Variants in STEEP1 observed in about 807,000 individuals in gnomAD.
STEEP1 encodes the protein STING1 ER exit protein 1, also known as STING ER exit protein.
STEEP1 carries 3 observed loss-of-function variants against 19.2 expected under a neutral mutation model. The observed-to-expected ratio is 0.16, with a 90% CI of 0.07 to 0.40. STEEP1 has a LOEUF of 0.40. Among genes scored for constraint, STEEP1 ranks in the 10% least tolerant of loss-of-function variants. The pLI, the probability that STEEP1 is intolerant of heterozygous loss-of-function variation, is 0.99. For missense variants in STEEP1, 54 were observed against 177.1 expected, an observed-to-expected ratio of 0.30 and a Z score of 3.94; for synonymous variants, 46 against 63.7, an observed-to-expected ratio of 0.72 and a Z score of 1.32.
intron 3 of STEEP1, 112 bp from the exon 4 acceptor site, chrX:119,544,603 T>C: frequency 1.4e-6 from 1 of 725,605 alleles, no homozygotes; most frequent in Admixed American, 2.9e-5. Context: ...CATAAACTAA[T>C]GACTGGCTCT....
chrX:119,549,666 A>G (rs1481463029), intron 2 of STEEP1, among the ~76,000 whole-genome samples: 1 of 112,200 alleles, frequency 8.9e-6, no homozygotes, highest in Non-Finnish European at 1.9e-5. Context: ...TGGCTCCGGC[A>G]TTGGGCAAGG....
rs765508401 is a variant in STEEP1, at chrX:119,565,392, A to G, written c.-37T>C. 2.5e-5 allele frequency: 28 copies of G among 1,098,245 alleles called. No homozygotes were observed. The highest frequency in any genetic ancestry group is 3.5e-5 in the Non-Finnish European group (28 of 800,413). The allele number at this position is 1,098,245 out of a possible 1,213,427, so 90.5% of individuals were successfully genotyped here. On this transcript the variant is annotated 5_prime_UTR_variant, in exon 1 of 7. Coordinates refer to ENST00000644802, the MANE Select transcript of STEEP1 (RefSeq NM_022101.4). Reference sequence around the variant, plus strand: ...GCAATCTGAAAACTCTACGCCAAGAAGAGGGTCGCCCCGAAATGACGTCAC... The same window carrying G: ...GCAATCTGAAAACTCTACGCCAAGAGGAGGGTCGCCCCGAAATGACGTCAC...
intron 4 of STEEP1, among the ~76,000 whole-genome samples, chrX:119,543,590 C>T (rs1041061611): frequency 1.8e-5 from 2 of 110,865 alleles, no homozygotes; most frequent in Non-Finnish European, 3.8e-5. Flanking sequence ...TAAAGTGATC[C>T]TCCCGCCTCA....
At position 119,542,895 on chromosome X, in the gene STEEP1, G is replaced by C. The variant is rs775308916; in HGVS notation, c.424-301C>G. On this transcript the variant is annotated intron_variant, in intron 4 of 6. Coordinates refer to ENST00000644802, the MANE Select transcript of STEEP1 (RefSeq NM_022101.4). ...AGCTCACTGCAACCTCAAACTCCTG[G>C]GCTCAAGTGATCTTCCTGCCTCAAC... 2.5e-3 allele frequency: 378 copies of C among 152,238 alleles called. 2 individuals carry two copies. Among genetic ancestry groups the C allele is most frequent in the Non-Finnish European group, 4.0e-3 (331 of 82,015 alleles). 12.5% of individuals were successfully genotyped at this position (152,238 alleles called of 1,213,427 possible). A position where few individuals can be genotyped will look rare whatever the true frequency, so the allele number is the denominator to read the frequency against.
intron 2 of STEEP1, among the ~76,000 whole-genome samples, chrX:119,556,365 C>T (rs180967402): frequency 1.8e-5 from 2 of 110,332 alleles, no homozygotes; most frequent in East Asian, 5.7e-4. Context: ...GGGCGGATCA[C>T]GAGGTCAGGA....
chrX:119,542,050 CTTTTCTTTTTTTTT>C (rs1439741652), intron 5 of STEEP1, among the ~76,000 whole-genome samples: 9 of 53,798 alleles, frequency 1.7e-4, no homozygotes, highest in African/African-American at 5.2e-4. Flanking sequence ...AGTTTCTTTT[CTTTTCTTTTTTTTT>C]TTTTTTTTTT....
chrX:119,538,821 T>C lies in STEEP1; in HGVS notation c.*906A>G, dbSNP rs2053141761. Reference sequence around the variant, plus strand: ...GCAATCTGGCTTTTCCTTCTTTGAGTATAAAGTCGATACGGGATGGCTCGC... The same window carrying C: ...GCAATCTGGCTTTTCCTTCTTTGAGCATAAAGTCGATACGGGATGGCTCGC... On this transcript the variant is annotated 3_prime_UTR_variant, in exon 7 of 7. Coordinates refer to ENST00000644802, the MANE Select transcript of STEEP1 (RefSeq NM_022101.4). 9.0e-6 allele frequency: 1 copy of C among 111,353 alleles called. No individual in the cohort carries two copies. Among genetic ancestry groups the C allele is most frequent in the African/African-American group, 3.3e-5 (1 of 30,616 alleles). 9.2% of individuals were successfully genotyped at this position (111,353 alleles called of 1,213,427 possible). A position where few individuals can be genotyped will look rare whatever the true frequency, so the allele number is the denominator to read the frequency against.
Position 119,539,831 on chromosome X carries a change from A to C in STEEP1, c.607-42T>G, listed in dbSNP as rs190223379. Reference sequence around the variant, plus strand: ...AGCATATGTCTTGATACATGACATGAAATTATTTTCCTTCCTTATTCTAAC... The same window carrying C: ...AGCATATGTCTTGATACATGACATGCAATTATTTTCCTTCCTTATTCTAAC... On this transcript the variant is annotated intron_variant, in intron 6 of 6. Transcript: ENST00000644802. 8 of 1,061,974 alleles carry C rather than the reference A, an allele frequency of 7.5e-6. No individual in the cohort carries two copies. In the East Asian group the frequency reaches 2.4e-4, roughly 32 times the overall value. 87.5% of individuals were successfully genotyped at this position (1,061,974 alleles called of 1,213,427 possible). A position where few individuals can be genotyped will look rare whatever the true frequency, so the allele number is the denominator to read the frequency against.
intron 1 of STEEP1, among the ~76,000 whole-genome samples, chrX:119,563,960 C>T (rs2053339187): frequency 9.0e-6 from 1 of 110,969 alleles, no homozygotes; most frequent in Non-Finnish European, 1.9e-5. Flanking sequence ...ATTTTCAGCA[C>T]GATATATTTG....
At chrX:119,548,547 A>C (rs1401379826) in intron 2 of STEEP1, among the ~76,000 whole-genome samples, 1 of 109,315 alleles carries the variant, frequency 9.1e-6, no homozygotes, top group Non-Finnish European at 1.9e-5. Flanking sequence ...AAAAAAAAAA[A>C]AAAAAAAAAG....
intron 6 of STEEP1, among the ~76,000 whole-genome samples, chrX:119,540,692 G>T (rs763324932): frequency 3.6e-5 from 4 of 112,086 alleles, no homozygotes; most frequent in Admixed American, 9.5e-5. Flanking sequence ...TTACATCCTG[G>T]GACAACGTCC....
At chrX:119,542,268 A>G (rs2053169784) in intron 5 of STEEP1, among the ~76,000 whole-genome samples, 1 of 108,385 alleles carries the variant, frequency 9.2e-6, no homozygotes, top group African/African-American at 3.4e-5. Context: ...GGGTTTCACC[A>G]TGTTGGCCAG....
chrX:119,556,379 C>T (rs751616113), intron 2 of STEEP1, among the ~76,000 whole-genome samples: 1 of 110,077 alleles, frequency 9.1e-6, no homozygotes, highest in South Asian at 3.9e-4. Context: ...GTCAGGAGAT[C>T]GAGACCGTCC....
intron 1 of STEEP1, among the ~76,000 whole-genome samples, chrX:119,564,655 C>T (rs2053345325): frequency 8.9e-6 from 1 of 111,871 alleles, no homozygotes; most frequent in Non-Finnish European, 1.9e-5. Context: ...ACCACTAGAA[C>T]TGTTAACATG....
intron 2 of STEEP1, among the ~76,000 whole-genome samples, chrX:119,558,022 C>T (rs965768007): frequency 2.0e-4 from 22 of 110,759 alleles, no homozygotes; most frequent in African/African-American, 7.2e-4. Context: ...TTCTCCTATC[C>T]CAGCCTCCCG....
At chrX:119,550,407 C>T (rs946871307) in intron 2 of STEEP1, among the ~76,000 whole-genome samples, 1 of 111,344 alleles carries the variant, frequency 9.0e-6, no homozygotes, top group Non-Finnish European at 1.9e-5. Flanking sequence ...AAAATAAACC[C>T]ATACATATAT....
intron 2 of STEEP1, among the ~76,000 whole-genome samples, chrX:119,558,780 A>G (rs2053300948): frequency 9.1e-6 from 1 of 110,422 alleles, no homozygotes; most frequent in African/African-American, 3.3e-5. Flanking sequence ...TTCTGTTCCA[A>G]TTCTTTTGTC....
intron 1 of STEEP1, among the ~76,000 whole-genome samples, chrX:119,563,642 G>A (rs1379353363): frequency 3.6e-5 from 4 of 111,025 alleles, no homozygotes; most frequent in South Asian, 3.8e-4. Flanking sequence ...CCTGGGAGGC[G>A]GAAGTTGCAG....
chrX:119,561,134 G>A (rs2053317610), intron 1 of STEEP1, among the ~76,000 whole-genome samples: 1 of 109,649 alleles, frequency 9.1e-6, no homozygotes, highest in African/African-American at 3.3e-5. Context: ...AGCTACTTGG[G>A]AGGCTGAGGC....
Sources: allele counts gnomAD v4.1 joint callset (sites outside exome capture counted in the v4.1 genomes callset), GRCh38; gene constraint gnomAD v4.1.1; transcripts MANE v1.5; gene names NCBI Gene and HGNC (gene_info 2026-07-23, HGNC 2026-07-21).